The following PRKN variants were observed in gnomAD, a reference collection of about 807,000 sequenced individuals.
PRKN encodes the protein E3 ubiquitin-protein ligase parkin.
In PRKN, 56 loss-of-function variants were observed where a neutral mutation model predicts 59.5. That is an observed-to-expected ratio of 0.94 (90% CI 0.76 to 1.18). The LOEUF (loss-of-function observed/expected upper bound fraction) is 1.18. Among genes scored for constraint, PRKN ranks in the 50% most tolerant of loss-of-function variants. The probability of loss-of-function intolerance (pLI) is 0.00; values close to 1 mark genes in which losing one functional copy is unlikely to be tolerated. For synonymous variants in PRKN, 250 were observed against 222.1 expected (o/e 1.13, Z -1.12); for missense variants, 657 against 596.4 (o/e 1.10, Z -1.06).
chr6:162,319,759 A>G (rs1248440693), intron 2 of PRKN, among the ~76,000 whole-genome samples: 1 of 152,056 alleles, frequency 6.6e-6, no homozygotes, highest in Non-Finnish European at 1.5e-5. Context: ...AAGAGAGACA[A>G]ATTGCAAGAT....
chr6:161,691,816 T>G (rs1482542113), intron 7 of PRKN, among the ~76,000 whole-genome samples: 2 of 152,194 alleles, frequency 1.3e-5, no homozygotes, highest in Non-Finnish European at 2.9e-5. Flanking sequence ...GCAAGAGTGT[T>G]GGGTGAGTCA....
intron 2 of PRKN, among the ~76,000 whole-genome samples, chr6:162,341,768 G>A (rs1401527602): frequency 6.6e-6 from 1 of 151,886 alleles, no homozygotes; most frequent in Non-Finnish European, 1.5e-5. Flanking sequence ...GGGGTGGGGG[G>A]ATGGGAGTGG....
chr6:161,477,139 A>C (rs1002421156), intron 9 of PRKN, among the ~76,000 whole-genome samples: 5 of 152,254 alleles, frequency 3.3e-5, no homozygotes, highest in Admixed American at 6.5e-5. Flanking sequence ...AGCATTTTGA[A>C]AAGATATTTG....
At chr6:162,384,786 C>A (rs182218307) in intron 2 of PRKN, among the ~76,000 whole-genome samples, 1 of 151,898 alleles carries the variant, frequency 6.6e-6, no homozygotes. Flanking sequence ...TCTTATATGG[C>A]GGGTATTACT....
chr6:161,691,337 C>G (rs112030527), intron 7 of PRKN, among the ~76,000 whole-genome samples: 4 of 152,224 alleles, frequency 2.6e-5, no homozygotes, highest in Non-Finnish European at 4.4e-5. Context: ...GCAGCTCTCA[C>G]CCGGGTTTGC....
At chr6:162,357,819 T>C (rs1446342519) in intron 2 of PRKN, among the ~76,000 whole-genome samples, 2 of 152,202 alleles carry the variant, frequency 1.3e-5, no homozygotes, top group African/African-American at 4.8e-5. Context: ...AAAGGCTATA[T>C]ACTTTCTGGC....
intron 1 of PRKN, among the ~76,000 whole-genome samples, chr6:162,697,326 C>T (rs1367698976): frequency 6.6e-6 from 1 of 152,086 alleles, no homozygotes; most frequent in Non-Finnish European, 1.5e-5. Flanking sequence ...ATATAACTCA[C>T]AGGTTTGAGA....
At position 161,480,471 on chromosome 6, in the gene PRKN, A is replaced by G. The variant is rs1791337308; in HGVS notation, c.1083+68383T>C. 6.6e-6 allele frequency among the ~76,000 whole-genome samples: 1 copy of G among 152,218 alleles called. No individual in the cohort carries two copies. On this transcript the variant is annotated intron_variant, in intron 9 of 11. Transcript: ENST00000366898. This position sits in a 1 kb window ranked among gnomAD's most constrained non-coding sequence, Gnocchi z 4.1. ...ATATGAGAAAATTGAGAGCTTAAAC[A>G]GCTTGCTTAAAATAGCAGACTCACA...
At chr6:162,365,938 T>C (rs147045720) in intron 2 of PRKN, among the ~76,000 whole-genome samples, 1 of 152,266 alleles carries the variant, frequency 6.6e-6, no homozygotes, top group African/African-American at 2.4e-5. Context: ...ATAATGGAAG[T>C]ATACTTCAAC....
At chr6:162,692,830 T>C (rs183364855) in intron 1 of PRKN, among the ~76,000 whole-genome samples, 6 of 152,300 alleles carry the variant, frequency 3.9e-5, no homozygotes, top group Non-Finnish European at 7.3e-5. Context: ...TAATAGATTT[T>C]ATGATTTCTA....
At chr6:161,495,092 T>G (rs763928519) in intron 9 of PRKN, among the ~76,000 whole-genome samples, 1 of 152,206 alleles carries the variant, frequency 6.6e-6, no homozygotes, top group Non-Finnish European at 1.5e-5. Context: ...TACCACAATA[T>G]ATCAAAAAAT....
Position 161,428,632 on chromosome 6 carries a change from G to C in PRKN, c.1084-41755C>G, listed in dbSNP as rs1788503067. Among the ~76,000 whole-genome samples, 1 of 152,132 alleles carries C rather than the reference G, an allele frequency of 6.6e-6. No homozygotes were observed. Among genetic ancestry groups the C allele is most frequent in the Admixed American group, 6.6e-5 (1 of 15,262 alleles). On this transcript the variant is annotated intron_variant, in intron 9 of 11. Transcript: ENST00000366898. This position sits in a 1 kb window ranked among gnomAD's most constrained non-coding sequence, Gnocchi z 4.0. Reference sequence around the variant, plus strand: ...GTGTTTTTCCACACATCTGAAGGGCGATTCTTTGTCAACTGCTACTGTCTT... The same window carrying C: ...GTGTTTTTCCACACATCTGAAGGGCCATTCTTTGTCAACTGCTACTGTCTT...
rs1159578401 is a variant in PRKN at position 162,406,379 on chromosome 6, C to G, written c.171+36931G>C. 4.6e-5 allele frequency among the ~76,000 whole-genome samples: 7 copies of G among 152,194 alleles called. No homozygotes were observed. In the South Asian group the frequency reaches 6.2e-4, roughly 14 times the overall value. On this transcript the variant is annotated intron_variant, in intron 2 of 11. Transcript: ENST00000366898. ...GAACAGTACTCTTACCTTCTCTAGT[C>G]AAGAGTTCAATGTGAACTTTATTCC... is the stretch of plus-strand genomic sequence containing the variant.
intron 6 of PRKN, among the ~76,000 whole-genome samples, chr6:161,949,816 T>G (rs1779919992): frequency 6.6e-6 from 1 of 152,166 alleles, no homozygotes; most frequent in Non-Finnish European, 1.5e-5. Flanking sequence ...CCACAGCTTT[T>G]GGAGGGCAGC....
In PRKN at chr6:162,577,636, A is replaced by G. The variant is rs559280423; in HGVS notation, c.8-134163T>C. On this transcript the variant is annotated intron_variant, in intron 1 of 11. Coordinates refer to ENST00000366898, the MANE Select transcript of PRKN (RefSeq NM_004562.3). ...ATAAAATAAAATAAAATAAAATATA[A>G]TTGGCAAAAATGGGCCAGGCACAGT... Among the ~76,000 whole-genome samples the G allele has an allele frequency of 3.3e-5, 5 of 151,738 alleles. No individual in the cohort carries two copies. The South Asian group carries it at 1.0e-3, about 32-fold the overall frequency.
intron 5 of PRKN, among the ~76,000 whole-genome samples, chr6:162,033,995 T>A (rs1582929120): frequency 6.6e-6 from 1 of 152,208 alleles, no homozygotes; most frequent in Middle Eastern, 3.4e-3. Flanking sequence ...CTGGTCCTAA[T>A]TAAATCAATT....
At chr6:162,501,681 C>G (rs1338970251) in intron 1 of PRKN, among the ~76,000 whole-genome samples, 1 of 152,000 alleles carries the variant, frequency 6.6e-6, no homozygotes, top group Non-Finnish European at 1.5e-5. Context: ...TAACCTGTGA[C>G]TCTGGAATAT....
At chr6:161,706,175 A>G (rs866252915) in intron 7 of PRKN, among the ~76,000 whole-genome samples, 39 of 152,204 alleles carry the variant, frequency 2.6e-4, no homozygotes, top group African/African-American at 8.2e-4. Flanking sequence ...TGCACTCAAC[A>G]TCAACTGGAT....
intron 2 of PRKN, among the ~76,000 whole-genome samples, chr6:162,359,079 A>AAAAAAAAATATATATATATAT (rs57265104): frequency 4.8e-5 from 4 of 83,272 alleles, no homozygotes; most frequent in African/African-American, 2.9e-4. Context: ...AAAAAAAAAA[A>AAAAAAAAATATATATATATAT]ATATATATAT....
Sources: allele counts gnomAD v4.1 joint callset (sites outside exome capture counted in the v4.1 genomes callset), GRCh38; gene constraint gnomAD v4.1.1; non-coding constraint Gnocchi (gnomAD v3.1); transcripts MANE v1.5; gene names NCBI Gene and HGNC (gene_info 2026-07-23, HGNC 2026-07-21).